The following NARS2 variants were observed in gnomAD, a reference collection of about 807,000 sequenced individuals.
NARS2 encodes asparaginyl-tRNA synthetase 2, mitochondrial.
A neutral mutation model predicts 62.9 loss-of-function variants in NARS2; 60 were observed. The ratio of observed to expected loss-of-function variants is 0.95; its 90% CI spans 0.77 to 1.18. The LOEUF is 1.18. Ranked by LOEUF, NARS2 falls within the 50% of genes most tolerant of loss-of-function variation. The pLI, the probability that NARS2 is intolerant of heterozygous loss-of-function variation, is 0.00. For missense variants in NARS2, 619 were observed against 576.4 expected, an observed-to-expected ratio of 1.07 and a Z score of -0.76; for synonymous variants, 196 against 200.0, an observed-to-expected ratio of 0.98 and a Z score of 0.17.
At chr11:78,490,805 C>G (rs1013881809) in intron 7 of NARS2, among the ~76,000 whole-genome samples, 1 of 151,904 alleles carries the variant, frequency 6.6e-6, no homozygotes, top group Non-Finnish European at 1.5e-5. Flanking sequence ...AAAGAAATGA[C>G]TAATTTTAAA....
intron 13 of NARS2, among the ~76,000 whole-genome samples, chr11:78,438,665 T>C (rs746375192): frequency 2.6e-5 from 4 of 152,224 alleles, no homozygotes; most frequent in Non-Finnish European, 4.4e-5. Context: ...ATTTGTTTGA[T>C]TGTTGTTAAA....
chr11:78,491,380 T>C (rs1292019497), intron 7 of NARS2, among the ~76,000 whole-genome samples: 6 of 64,762 alleles, frequency 9.3e-5, no homozygotes, highest in Non-Finnish European at 2.2e-4. Context: ...AAATGCTATA[T>C]TGTGTGGCCG....
At chr11:78,460,704 G>A (rs1858360829) in intron 11 of NARS2, among the ~76,000 whole-genome samples, 1 of 152,166 alleles carries the variant, frequency 6.6e-6, no homozygotes, top group Non-Finnish European at 1.5e-5. Flanking sequence ...TTGCTGGGAG[G>A]AGAGGAGAAA....
In NARS2 at chr11:78,437,024, T is replaced by C. The variant is rs116693882; in HGVS notation, c.1290-210A>G. Among the ~76,000 whole-genome samples, 2,199 of 152,344 alleles carry C rather than the reference T, an allele frequency of 0.014. 54 individuals are homozygous for C. Among genetic ancestry groups the C allele is most frequent in the African/African-American group, 0.05 (2,080 of 41,586 alleles). ...TACCCAGAGAAACAGCAGTGGATCC[T>C]GTCATACAGTCATGGGCTTTGGTCC... On this transcript the variant is annotated intron_variant, in intron 13 of 13. Transcript: ENST00000281038.
chr11:78,542,913 C>A (rs1197742527), intron 5 of NARS2, among the ~76,000 whole-genome samples: 1 of 152,080 alleles, frequency 6.6e-6, no homozygotes, highest in African/African-American at 2.4e-5. Context: ...TCAAAACAAA[C>A]CCCCCCACAA....
At chr11:78,495,525 G>A (rs780006141) in intron 6 of NARS2, among the ~76,000 whole-genome samples, 3 of 151,952 alleles carry the variant, frequency 2.0e-5, no homozygotes, top group African/African-American at 4.8e-5. Flanking sequence ...CTCCCCCAGC[G>A]TTTTCCAGAA....
At chr11:78,460,547 G>A (rs1188558825) in intron 11 of NARS2, among the ~76,000 whole-genome samples, 1 of 152,136 alleles carries the variant, frequency 6.6e-6, no homozygotes, top group African/African-American at 2.4e-5. Context: ...GAAATGAAGA[G>A]AAATGAATGG....
intron 11 of NARS2, among the ~76,000 whole-genome samples, chr11:78,458,434 A>G (rs1278059190): frequency 6.6e-6 from 1 of 152,234 alleles, no homozygotes; most frequent in Non-Finnish European, 1.5e-5. Flanking sequence ...CAGGAAATTA[A>G]GACACAAAAA....
intron 4 of NARS2, among the ~76,000 whole-genome samples, chr11:78,560,003 G>A (rs1856502820): frequency 6.6e-6 from 1 of 152,114 alleles, no homozygotes; most frequent in Admixed American, 6.6e-5. Flanking sequence ...CATTTTGGTG[G>A]TGATTTAACA....
At chr11:78,445,489 C>T (rs890341534) in intron 11 of NARS2, among the ~76,000 whole-genome samples, 3 of 152,010 alleles carry the variant, frequency 2.0e-5, no homozygotes, top group African/African-American at 4.8e-5. Context: ...AGTGCAGTGG[C>T]GCATGCCTGT....
At chr11:78,569,951 G>C (rs1239785453) in intron 2 of NARS2, among the ~76,000 whole-genome samples, 1 of 152,196 alleles carries the variant, frequency 6.6e-6, no homozygotes, top group Non-Finnish European at 1.5e-5. Flanking sequence ...CACCTTGGGA[G>C]GCTGAGGCAG....
chr11:78,553,323 C>T (rs1388953074), intron 5 of NARS2, among the ~76,000 whole-genome samples: 1 of 151,884 alleles, frequency 6.6e-6, no homozygotes, highest in Admixed American at 6.6e-5. Flanking sequence ...AAATCTCGCT[C>T]TGTTACCTAG....
chr11:78,569,065 G>T (rs1291549030), intron 2 of NARS2, among the ~76,000 whole-genome samples: 1 of 152,062 alleles, frequency 6.6e-6, no homozygotes, highest in Non-Finnish European at 1.5e-5. Flanking sequence ...CAGAATACAT[G>T]GGAAAACTGC....
At position 78,511,589 on chromosome 11, in the gene NARS2, C is replaced by A. The variant is rs565771047; in HGVS notation, c.689+17253G>T. 7.9e-5 allele frequency among the ~76,000 whole-genome samples: 12 copies of A among 152,082 alleles called. No homozygotes were observed. The South Asian group carries it at 1.5e-3, about 18-fold the overall frequency. The stretch of plus-strand genomic sequence containing the variant: ...AAAATTAGCCGGGCGTGGTGGCAGG[C>A]GCCTGTAGTCCCAGCTACTCGAGAG... On this transcript the variant is annotated intron_variant, in intron 6 of 13. Coordinates refer to ENST00000281038, the MANE Select transcript of NARS2 (RefSeq NM_024678.6).
chr11:78,571,237 T>A, intron 2 of NARS2, 98 bp downstream of exon 2: 1 of 697,460 alleles, frequency 1.4e-6, no homozygotes, highest in Non-Finnish European at 2.6e-6. Flanking sequence ...TTTCAAAAGA[T>A]TACTCAGGGG....
intron 6 of NARS2, 97 bp downstream of exon 6, chr11:78,528,745 A>C: frequency 1.3e-6 from 1 of 782,012 alleles, no homozygotes; most frequent in South Asian, 1.6e-5. Flanking sequence ...ACTAATGATA[A>C]AGACTAATTT....
intron 6 of NARS2, among the ~76,000 whole-genome samples, chr11:78,514,767 T>C (rs1406308472): frequency 2.0e-5 from 3 of 152,270 alleles, no homozygotes; most frequent in Non-Finnish European, 2.9e-5. Flanking sequence ...ATCCAGTATT[T>C]AGATTTCCAA....
chr11:78,561,483 A>T (rs1856554004), intron 4 of NARS2, among the ~76,000 whole-genome samples: 1 of 152,208 alleles, frequency 6.6e-6, no homozygotes, highest in South Asian at 2.1e-4. Flanking sequence ...ACTTTCACCC[A>T]ATTTTTCAGA....
At chr11:78,459,428 G>T (rs1298964939) in intron 11 of NARS2, among the ~76,000 whole-genome samples, 1 of 149,944 alleles carries the variant, frequency 6.7e-6, no homozygotes, top group Non-Finnish European at 1.5e-5. Flanking sequence ...GTACCACCAC[G>T]CCCAGCTAAT....
Sources: gnomAD v4.1 joint callset for allele counts (sites outside exome capture counted in the v4.1 genomes callset) on GRCh38, gnomAD v4.1.1 for gene constraint, MANE v1.5 for transcripts, NCBI Gene and HGNC (gene_info 2026-07-23, HGNC 2026-07-21) for gene names.